Variants in MEGF11 observed in about 807,000 individuals in gnomAD.
The protein encoded by MEGF11 is multiple EGF like domains 11.
MEGF11 carries 126 observed loss-of-function variants against 146.6 expected under a neutral mutation model. The observed-to-expected ratio is 0.86, with a 90% CI of 0.74 to 1.00. The LOEUF (loss-of-function observed/expected upper bound fraction) is 1.00. Ranked by LOEUF, MEGF11 falls within the 50% of genes least tolerant of loss-of-function variation. MEGF11 has a pLI of 0.00. For missense variants in MEGF11, 1,509 were observed against 1,521.2 expected (o/e 0.99, Z 0.13); for synonymous variants, 532 against 583.4 (o/e 0.91, Z 1.27).
rs1360387305 is a variant in MEGF11, at chr15:66,178,448, T to TAACAA, written c.-8-50038_-8-50037insTTGTT. Reference sequence around the variant, plus strand: ...CTATTAATACCTGTTTGCAGTGGTGTACCCTGGTCTGTTTAGCTCACGGCC... The same window carrying TAACAA: ...CTATTAATACCTGTTTGCAGTGGTGTAACAAACCCTGGTCTGTTTAGCTCACGGCC... On this transcript the variant is annotated intron_variant, in intron 1 of 25. Transcript: ENST00000395614. Among the ~76,000 whole-genome samples the TAACAA allele has an allele frequency of 6.2e-4, 94 of 152,350 alleles. 1 individual carries two copies. The highest frequency in any genetic ancestry group is 2.2e-3 in the African/African-American group (90 of 41,578).
intron 1 of MEGF11, among the ~76,000 whole-genome samples, chr15:66,245,537 C>A (rs564597479): frequency 6.6e-6 from 1 of 151,604 alleles, no homozygotes; most frequent in South Asian, 2.1e-4. Flanking sequence ...GAGGCTGAGG[C>A]GGGAAGATAG....
chr15:66,231,607 G>A (rs1443731036), intron 1 of MEGF11, among the ~76,000 whole-genome samples: 1 of 152,158 alleles, frequency 6.6e-6, no homozygotes, highest in Non-Finnish European at 1.5e-5. Context: ...GAACTGAGCT[G>A]CTGATTCAAA....
At chr15:66,006,876 G>A (rs1233199130) in intron 5 of MEGF11, among the ~76,000 whole-genome samples, 2 of 152,228 alleles carry the variant, frequency 1.3e-5, no homozygotes, top group Non-Finnish European at 2.9e-5. Context: ...ATGGGAGGGA[G>A]ACCTTCATGC....
intron 1 of MEGF11, among the ~76,000 whole-genome samples, chr15:66,135,343 T>A (rs1851066684): frequency 1.3e-5 from 2 of 152,222 alleles, no homozygotes; most frequent in South Asian, 4.1e-4. Flanking sequence ...ACTGTACAAT[T>A]ATCAAGGCAG....
chr15:66,222,242 C>G (rs1233066046), intron 1 of MEGF11, among the ~76,000 whole-genome samples: 3 of 152,058 alleles, frequency 2.0e-5, no homozygotes, highest in Non-Finnish European at 4.4e-5. Context: ...GCTCTTTCTC[C>G]TTGGACCCAG....
At chr15:65,950,535 C>T (rs982413059) in intron 10 of MEGF11, among the ~76,000 whole-genome samples, 26 of 151,686 alleles carry the variant, frequency 1.7e-4, no homozygotes, top group African/African-American at 7.3e-5. Flanking sequence ...GAGCCAAGAT[C>T]GCACCACTGC....
At chr15:66,101,043 G>T (rs997567554) in intron 4 of MEGF11, among the ~76,000 whole-genome samples, 1 of 151,796 alleles carries the variant, frequency 6.6e-6, no homozygotes, top group African/African-American at 2.4e-5. Context: ...GAGCAGGCGG[G>T]TGAGTGAGCC....
intron 1 of MEGF11, among the ~76,000 whole-genome samples, chr15:66,141,267 TGTGTGTGTGTGTGTGTGTGTGTGA>T (rs1486823507): frequency 7.0e-6 from 1 of 142,586 alleles, no homozygotes; most frequent in African/African-American, 2.6e-5. Context: ...TGTGTGTGTG[TGTGTGTGTGTGTGTGTGTGTGTGA>T]GAGAGAGAGA....
chr15:66,123,861 G>T (rs1227594649), intron 3 of MEGF11, 38 bp downstream of exon 3: 2 of 1,545,984 alleles, frequency 1.3e-6, no homozygotes, highest in Non-Finnish European at 8.9e-7. Context: ...AGAGCCCAGT[G>T]CCTTTTCCCT....
intron 1 of MEGF11, among the ~76,000 whole-genome samples, chr15:66,242,419 G>A (rs7181730): frequency 0.9 from 105,534 of 117,580 alleles, 47,551 homozygotes; most frequent in East Asian, 0.98. Context: ...AAAAAAAAAA[G>A]AAAGAAAGAA....
At chr15:66,119,842 C>T (rs112531018) in intron 3 of MEGF11, among the ~76,000 whole-genome samples, 6 of 152,296 alleles carry the variant, frequency 3.9e-5, no homozygotes, top group African/African-American at 1.4e-4. Flanking sequence ...GGGAGTCAGA[C>T]ATGTGGGTTC....
intron 5 of MEGF11, among the ~76,000 whole-genome samples, chr15:66,038,151 T>C (rs1301421711): frequency 1.3e-5 from 2 of 152,128 alleles, no homozygotes; most frequent in African/African-American, 4.8e-5. Context: ...AGATGAATAA[T>C]GGAAACTTCC....
At chr15:66,064,600 C>T (rs1389043496) in intron 5 of MEGF11, among the ~76,000 whole-genome samples, 7 of 151,386 alleles carry the variant, frequency 4.6e-5, no homozygotes, top group Admixed American at 6.6e-5. Flanking sequence ...TCACTGCAGC[C>T]GCCAACTCCC....
intron 1 of MEGF11, among the ~76,000 whole-genome samples, chr15:66,200,214 C>T (rs1453909257): frequency 6.6e-6 from 1 of 152,196 alleles, no homozygotes; most frequent in East Asian, 1.9e-4. Flanking sequence ...TGAGCTAGGC[C>T]CTGCTTTACG....
At chr15:66,244,120 C>T (rs544953824) in intron 1 of MEGF11, among the ~76,000 whole-genome samples, 6 of 152,252 alleles carry the variant, frequency 3.9e-5, no homozygotes, top group African/African-American at 7.2e-5. Context: ...AAAATACATG[C>T]GCCTGAGAAG....
Position 65,934,722 on chromosome 15 carries a change from A to G in MEGF11, c.1288-3779T>C, listed in dbSNP as rs572071887. 3.9e-5 allele frequency among the ~76,000 whole-genome samples: 6 copies of G among 152,324 alleles called. No homozygotes were observed. The East Asian group carries it at 5.8e-4, about 15-fold the overall frequency. On this transcript the variant is annotated intron_variant, in intron 10 of 25. Coordinates refer to ENST00000395614, the MANE Select transcript of MEGF11 (RefSeq NM_001385028.1). ...TTAAGTTGATCACCAAAGGCCAGCA[A>G]TGTAATCAATGATTCCCATGTAACG...
chr15:66,230,470 C>T (rs2091947202), intron 1 of MEGF11, among the ~76,000 whole-genome samples: 1 of 152,170 alleles, frequency 6.6e-6, no homozygotes, highest in African/African-American at 2.4e-5. Context: ...TGACTAGAGA[C>T]AGTAATAAGA....
intron 1 of MEGF11, among the ~76,000 whole-genome samples, chr15:66,211,480 C>T (rs1178399677): frequency 8.8e-5 from 13 of 148,432 alleles, no homozygotes; most frequent in African/African-American, 2.7e-4. Context: ...GCCAAGATGG[C>T]ACCACTGCAC....
chr15:66,214,682 C>G (rs1291290301), intron 1 of MEGF11, among the ~76,000 whole-genome samples: 1 of 152,026 alleles, frequency 6.6e-6, no homozygotes, highest in African/African-American at 2.4e-5. Context: ...TCCCACACAC[C>G]CTCCTTCTCA....
Sources: allele counts gnomAD v4.1 joint callset (sites outside exome capture counted in the v4.1 genomes callset), GRCh38; gene constraint gnomAD v4.1.1; transcripts MANE v1.5; gene names NCBI Gene and HGNC (gene_info 2026-07-23, HGNC 2026-07-21).